HIP1: variants seen among roughly 807,000 people sequenced by gnomAD.
HIP1 encodes huntingtin interacting protein 1, also known as huntingtin-interacting protein 1.
HIP1 carries 65 observed loss-of-function variants against 147.6 expected under a neutral mutation model. The ratio of observed to expected loss-of-function variants is 0.44; its 90% CI spans 0.36 to 0.54. The LOEUF (loss-of-function observed/expected upper bound fraction) is 0.54. HIP1 is among the 20% of genes least tolerant of loss of function. The probability of loss-of-function intolerance (pLI) is 0.00; values close to 1 mark genes in which losing one functional copy is unlikely to be tolerated. For missense variants in HIP1, 1,061 were observed against 1,299.6 expected, an observed-to-expected ratio of 0.82 and a Z score of 2.82; for synonymous variants, 479 against 504.0, an observed-to-expected ratio of 0.95 and a Z score of 0.67.
chr7:75,589,512 G>A lies in HIP1; in HGVS notation c.384+2544C>T, dbSNP rs587632077. On this transcript the variant is annotated intron_variant, in intron 4 of 30. Transcript: ENST00000336926. ...CCAGCCTGGCCAACATGGCAAAACCGTGTCTCCACTAAAATATAAAAATTA... is the reference window on the plus strand; with the variant it reads ...CCAGCCTGGCCAACATGGCAAAACCATGTCTCCACTAAAATATAAAAATTA... Among the ~76,000 whole-genome samples the A allele has an allele frequency of 1.6e-4, 24 of 151,332 alleles. No homozygotes were observed. The South Asian group carries it at 4.6e-3, about 29-fold the overall frequency.
At chr7:75,616,454 G>A (rs1797665755) in intron 1 of HIP1, among the ~76,000 whole-genome samples, 1 of 151,872 alleles carries the variant, frequency 6.6e-6, no homozygotes, top group African/African-American at 2.4e-5. Context: ...ATTTTTTTTT[G>A]TAGAGACCGG....
intron 8 of HIP1, among the ~76,000 whole-genome samples, chr7:75,572,518 T>C (rs1441000433): frequency 6.6e-6 from 1 of 152,182 alleles, no homozygotes; most frequent in Non-Finnish European, 1.5e-5. Context: ...GGTGACGTGC[T>C]CAAGCTAGAG....
rs1312194944 is a variant in HIP1 at position 75,555,137 on chromosome 7, C to T, written c.1963+279G>A. Among the ~76,000 whole-genome samples the T allele has an allele frequency of 5.3e-5, 7 of 131,762 alleles. No individual in the cohort carries two copies. In the East Asian group the frequency reaches 8.7e-4, roughly 16 times the overall value. The allele number at this position is 131,762 out of a possible 152,430, so 86.4% of individuals were successfully genotyped here. Reference sequence around the variant, plus strand: ...AGGAAGCGGAGGTTGCAGTGAGCCACGGCACTGCACTCTAGCCTGAGCAAC... The same window carrying T: ...AGGAAGCGGAGGTTGCAGTGAGCCATGGCACTGCACTCTAGCCTGAGCAAC... On this transcript the variant is annotated intron_variant, in intron 19 of 30. Coordinates refer to ENST00000336926, the MANE Select transcript of HIP1 (RefSeq NM_005338.7).
chr7:75,607,529 T>TAAA (rs140305342), intron 1 of HIP1, among the ~76,000 whole-genome samples: 1 of 107,414 alleles, frequency 9.3e-6, no homozygotes, highest in African/African-American at 3.4e-5. Flanking sequence ...ATGCCCAGCC[T>TAAA]AAAAAAAAAA....
Position 75,599,590 on chromosome 7 carries a change from C to G in HIP1, c.121-343G>C, listed in dbSNP as rs587696637. ...ATCCCCCAGGGAAACATTATTTCTC[C>G]CGGAGCAGGAGGAAGAGGCGCAGAG... On this transcript the variant is annotated intron_variant, in intron 1 of 30. Coordinates refer to ENST00000336926, the MANE Select transcript of HIP1 (RefSeq NM_005338.7). 9.2e-5 allele frequency among the ~76,000 whole-genome samples: 14 copies of G among 152,240 alleles called. No individual in the cohort carries two copies. The South Asian group carries it at 2.9e-3, about 32-fold the overall frequency.
intron 23 of HIP1, among the ~76,000 whole-genome samples, chr7:75,548,087 G>A (rs1436576488): frequency 1.3e-5 from 2 of 151,696 alleles, no homozygotes; most frequent in African/African-American, 2.4e-5. Context: ...TGGAGTGAGC[G>A]GTACGATCTC....
At chr7:75,611,257 C>T (rs927460127) in intron 1 of HIP1, among the ~76,000 whole-genome samples, 4 of 151,014 alleles carry the variant, frequency 2.6e-5, no homozygotes, top group Non-Finnish European at 5.9e-5. Flanking sequence ...ACTTGAGGTT[C>T]GGAGTTCAAG....
intron 1 of HIP1, among the ~76,000 whole-genome samples, chr7:75,704,604 G>C (rs1199178823): frequency 6.6e-6 from 1 of 150,820 alleles, no homozygotes; most frequent in Non-Finnish European, 1.5e-5. Flanking sequence ...TTGAGACGGA[G>C]TCTCACTCTG....
At chr7:75,565,095 A>G (rs1157492557) in intron 9 of HIP1, among the ~76,000 whole-genome samples, 2 of 152,126 alleles carry the variant, frequency 1.3e-5, no homozygotes, top group South Asian at 2.1e-4. Context: ...GCCTGCAACA[A>G]TGAACTTTCT....
At position 75,559,717 on chromosome 7, in the gene HIP1, C is replaced by T. The variant is rs1795152128; in HGVS notation, c.1375+15G>A. On this transcript the variant is annotated intron_variant, in intron 14 of 30. Transcript: ENST00000336926. Reference sequence around the variant, plus strand: ...CTGCCCCCGGGGCCCGCCCCCGCCCCCACCCACCGCTCACTTTCTATCTCA... The same window carrying T: ...CTGCCCCCGGGGCCCGCCCCCGCCCTCACCCACCGCTCACTTTCTATCTCA... 1 of 1,430,344 alleles carries T rather than the reference C, an allele frequency of 7.0e-7. No individual in the cohort carries two copies. The highest frequency in any genetic ancestry group is 9.3e-7 in the Non-Finnish European group (1 of 1,073,620). 88.6% of individuals were successfully genotyped at this position (1,430,344 alleles called of 1,614,324 possible).
At chr7:75,733,676 G>A (rs1563319873) in intron 1 of HIP1, 3 of 154,046 alleles carry the variant, frequency 1.9e-5, no homozygotes, top group African/African-American at 7.2e-5. Context: ...AGGTATGCAA[G>A]GCTGGTCTGA....
At chr7:75,659,756 C>T (rs1554513305) in intron 1 of HIP1, among the ~76,000 whole-genome samples, 1 of 152,192 alleles carries the variant, frequency 6.6e-6, no homozygotes, top group Non-Finnish European at 1.5e-5. Context: ...TTCCTCTTAG[C>T]AGATGCTGCT....
intron 1 of HIP1, among the ~76,000 whole-genome samples, chr7:75,611,203 A>T (rs1372638602): frequency 2.6e-5 from 4 of 151,846 alleles, no homozygotes; most frequent in African/African-American, 9.7e-5. Flanking sequence ...GCGGTGGCTC[A>T]TACCTGTAAT....
At chr7:75,574,322 C>G (rs1554497265) in intron 7 of HIP1, among the ~76,000 whole-genome samples, 1 of 151,680 alleles carries the variant, frequency 6.6e-6, no homozygotes, top group East Asian at 1.9e-4. Flanking sequence ...GGTGTGGTGG[C>G]TCACGCCTGT....
chr7:75,571,612 T>C (rs1481832667), intron 8 of HIP1, among the ~76,000 whole-genome samples: 2 of 152,190 alleles, frequency 1.3e-5, no homozygotes, highest in African/African-American at 2.4e-5. Flanking sequence ...AGGCACGGTC[T>C]CGTTCTGTTG....
rs531758086 is a variant in HIP1 at position 75,659,346 on chromosome 7, T to C, written c.121-60099A>G. 2.1e-3 allele frequency among the ~76,000 whole-genome samples: 322 copies of C among 152,276 alleles called. 8 individuals carry two copies. The highest frequency in any genetic ancestry group is 3.4e-3 in the Middle Eastern group (1 of 294). ...TATCTTTAATATTCACAATGCTTTG[T>C]GGCAACTACTGTTATTAGAAACATA... On this transcript the variant is annotated intron_variant, in intron 1 of 30. Transcript: ENST00000336926.
rs568321525 is a variant in HIP1, at chr7:75,664,010, A to G, written c.121-64763T>C. Among the ~76,000 whole-genome samples the G allele has an allele frequency of 6.5e-4, 17 of 26,278 alleles. 3 individuals carry two copies. In the East Asian group the frequency reaches 7.6e-3, roughly 12 times the overall value. The allele number at this position is 26,278 out of a possible 152,430, so 17.2% of individuals were successfully genotyped here. A position where few individuals can be genotyped will look rare whatever the true frequency, so the allele number is the denominator to read the frequency against. ...TATATATATACACATATATGTGTAT[A>G]TATATACACATATATGTGTATATAT... On this transcript the variant is annotated intron_variant, in intron 1 of 30. Coordinates refer to ENST00000336926, the MANE Select transcript of HIP1 (RefSeq NM_005338.7).
intron 1 of HIP1, among the ~76,000 whole-genome samples, chr7:75,640,174 G>C (rs1798602635): frequency 6.6e-6 from 1 of 152,252 alleles, no homozygotes; most frequent in Admixed American, 6.5e-5. Context: ...CAAGCCTATA[G>C]TTTCAACACA....
chr7:75,623,431 T>G (rs1797925922), intron 1 of HIP1, among the ~76,000 whole-genome samples: 1 of 150,694 alleles, frequency 6.6e-6, no homozygotes, highest in South Asian at 2.1e-4. Flanking sequence ...GACGGGAGAG[T>G]GGCAGGGATG....
Sources: allele counts gnomAD v4.1 joint callset (sites outside exome capture counted in the v4.1 genomes callset), GRCh38; gene constraint gnomAD v4.1.1; transcripts MANE v1.5; gene names NCBI Gene and HGNC (gene_info 2026-07-23, HGNC 2026-07-21).